The following RELN variants were observed in gnomAD, a reference collection of about 807,000 sequenced individuals.
The protein encoded by RELN is reelin.
RELN carries 108 observed loss-of-function variants against 427.6 expected under a neutral mutation model. That is an observed-to-expected ratio of 0.25 (90% CI 0.22 to 0.30). The LOEUF (loss-of-function observed/expected upper bound fraction) is 0.30, where lower values mean the gene tolerates loss of function less well. RELN is among the 10% of genes least tolerant of loss of function. RELN has a pLI of 1.00. For missense variants in RELN, 3,715 were observed against 4,302.8 expected (o/e 0.86, Z 3.82); for synonymous variants, 1,524 against 1,513.4 (o/e 1.01, Z -0.16).
Position 103,833,874 on chromosome 7 carries a change from C to T in RELN, c.338-202G>A, listed in dbSNP as rs112038151. 0.01 allele frequency among the ~76,000 whole-genome samples: 1,545 copies of T among 152,300 alleles called. 26 individuals carry two copies. The highest frequency in any genetic ancestry group is 0.035 in the African/African-American group (1,434 of 41,560). On this transcript the variant is annotated intron_variant, in intron 2 of 64. Transcript: ENST00000428762. Reference sequence around the variant, plus strand: ...ATATTATGGTTAAAGGAGTGACCTGCTGGAATCATTGCTATAATATTTGCT... The same window carrying T: ...ATATTATGGTTAAAGGAGTGACCTGTTGGAATCATTGCTATAATATTTGCT...
Position 103,964,163 on chromosome 7 carries a change from T to C in RELN, c.226+24968A>G, listed in dbSNP as rs10262066. ...GATAGAGCGAGACCCTGTCTCGAAA[T>C]AATAATAATAATAGTAATAATAACT... On this transcript the variant is annotated intron_variant, in intron 1 of 64. Coordinates refer to ENST00000428762, the MANE Select transcript of RELN (RefSeq NM_005045.4). Among the ~76,000 whole-genome samples, 843 of 151,776 alleles carry C rather than the reference T, an allele frequency of 5.6e-3. 13 individuals are homozygous for C. The highest frequency in any genetic ancestry group is 0.02 in the African/African-American group (812 of 41,438).
chr7:103,870,089 T>A (rs1794293915), intron 2 of RELN, among the ~76,000 whole-genome samples: 1 of 152,108 alleles, frequency 6.6e-6, no homozygotes, highest in Non-Finnish European at 1.5e-5. Context: ...TTGGTTTTTT[T>A]ATTACAGTTT....
chr7:103,980,732 A>T (rs1796976095), intron 1 of RELN, among the ~76,000 whole-genome samples: 1 of 152,218 alleles, frequency 6.6e-6, no homozygotes, highest in Admixed American at 6.5e-5. Context: ...AGTGCCTGGC[A>T]CATATTAAGT....
At chr7:103,897,104 G>GA (rs1395054253) in intron 2 of RELN, among the ~76,000 whole-genome samples, 6 of 152,076 alleles carry the variant, frequency 3.9e-5, no homozygotes, top group African/African-American at 1.2e-4. Flanking sequence ...GAACAGCATA[G>GA]AAAAAACCCA....
At chr7:103,570,189 A>G (rs936679989) in intron 31 of RELN, among the ~76,000 whole-genome samples, 1 of 147,288 alleles carries the variant, frequency 6.8e-6, no homozygotes. Flanking sequence ...GGAAATCTGC[A>G]TCACAGGGCA....
intron 1 of RELN, among the ~76,000 whole-genome samples, chr7:103,964,031 C>T (rs779417984): frequency 2.0e-5 from 3 of 152,078 alleles, no homozygotes; most frequent in Non-Finnish European, 4.4e-5. Flanking sequence ...TGGTGGCACA[C>T]ACCTGTAGTC....
intron 16 of RELN, among the ~76,000 whole-genome samples, chr7:103,649,786 A>T (rs1398769798): frequency 6.6e-6 from 1 of 151,902 alleles, no homozygotes; most frequent in African/African-American, 2.4e-5. Flanking sequence ...TTTCTATACT[A>T]TTTTCTGAAA....
At chr7:103,986,102 T>C (rs1797091927) in intron 1 of RELN, among the ~76,000 whole-genome samples, 1 of 152,246 alleles carries the variant, frequency 6.6e-6, no homozygotes, top group Non-Finnish European at 1.5e-5. Flanking sequence ...GAGACCTTTC[T>C]AATTCAACAT....
chr7:103,589,954 G>A (rs1257017656), intron 27 of RELN, 126 bp from the exon 28 acceptor site: 3 of 708,476 alleles, frequency 4.2e-6, no homozygotes, highest in South Asian at 3.0e-5. Context: ...GATAGGAATT[G>A]TGAGCTCAGT....
At chr7:103,558,123 T>C in intron 36 of RELN, 74 bp from the exon 37 acceptor site, 1 of 749,088 alleles carries the variant, frequency 1.3e-6, no homozygotes, top group Non-Finnish European at 2.4e-6. Context: ...TTTATACACC[T>C]AACTTGCATT....
In RELN at chr7:103,574,182, C is replaced by A; in HGVS notation, c.4421G>T (p.Cys1474Phe). ...AGATTTGCCATCGTTAAGTGTTCCA[C>A]AGCCAGTTCCAACCTGGGCACCTGT... Reference protein sequence around the residue: ...KITGAQVGTGCGTLNDGKSLY... With the variant: ...KITGAQVGTGFGTLNDGKSLY... Residue 1474 changes from cysteine (C) to phenylalanine (F), a missense_variant, in exon 30 of 65, where the codon TGT becomes TTT. Cys to Phe is a radical substitution (Grantham distance 205). Transcript: ENST00000428762. 1 of 1,614,190 alleles carries A rather than the reference C, an allele frequency of 6.2e-7. No individual in the cohort carries two copies. The highest frequency in any genetic ancestry group is 8.5e-7 in the Non-Finnish European group (1 of 1,180,028).
intron 1 of RELN, among the ~76,000 whole-genome samples, chr7:103,971,182 A>G (rs1796757532): frequency 6.6e-6 from 1 of 152,040 alleles, no homozygotes; most frequent in Admixed American, 6.6e-5. Context: ...AAAAGGGAAA[A>G]AAAGGTAGTC....
chr7:103,693,168 G>A (rs1833906416), intron 10 of RELN, among the ~76,000 whole-genome samples: 1 of 152,064 alleles, frequency 6.6e-6, no homozygotes, highest in African/African-American at 2.4e-5. Flanking sequence ...GCAGCCATAT[G>A]GAAGGATGAG....
intron 11 of RELN, among the ~76,000 whole-genome samples, chr7:103,672,032 A>T (rs1381903228): frequency 1.3e-5 from 2 of 152,128 alleles, no homozygotes; most frequent in Admixed American, 1.3e-4. Flanking sequence ...ATTCATCTGG[A>T]TAGGATGAAT....
At chr7:103,670,587 A>C (rs1180529267) in intron 11 of RELN, among the ~76,000 whole-genome samples, 1 of 152,090 alleles carries the variant, frequency 6.6e-6, no homozygotes, top group Non-Finnish European at 1.5e-5. Context: ...ACTATATGCC[A>C]ACAGTTTAAC....
intron 3 of RELN, among the ~76,000 whole-genome samples, chr7:103,793,805 C>T (rs1168754546): frequency 6.6e-6 from 1 of 152,154 alleles, no homozygotes; most frequent in Admixed American, 6.6e-5. Context: ...CTTGCTTTGT[C>T]ACCCAGGCTA....
At chr7:103,983,613 T>A (rs1797036959) in intron 1 of RELN, among the ~76,000 whole-genome samples, 1 of 152,218 alleles carries the variant, frequency 6.6e-6, no homozygotes, top group South Asian at 2.1e-4. Flanking sequence ...CAGTTATTTT[T>A]AAAATGACTC....
intron 2 of RELN, among the ~76,000 whole-genome samples, chr7:103,903,952 G>C (rs552643769): frequency 1.3e-5 from 2 of 151,884 alleles, no homozygotes; most frequent in African/African-American, 4.8e-5. Flanking sequence ...CCGTCATCTA[G>C]GTTTTAAGCT....
At chr7:103,860,023 G>T (rs566046422) in intron 2 of RELN, among the ~76,000 whole-genome samples, 1 of 152,108 alleles carries the variant, frequency 6.6e-6, no homozygotes, top group South Asian at 2.1e-4. Flanking sequence ...TCCTCTAAAG[G>T]CATGTAGTAC....
Sources: gnomAD v4.1 joint callset for allele counts (sites outside exome capture counted in the v4.1 genomes callset) on GRCh38, gnomAD v4.1.1 for gene constraint, MANE v1.5 for transcripts, NCBI Gene and HGNC (gene_info 2026-07-23, HGNC 2026-07-21) for gene names.